RIT2: variants seen among roughly 807,000 people sequenced by gnomAD.
RIT2 encodes Ras like without CAAX 2.
Under a neutral mutation model 23.7 loss-of-function variants are expected in RIT2, and 24 were observed. The ratio of observed to expected loss-of-function variants is 1.01; its 90% CI spans 0.73 to 1.43. RIT2 has a LOEUF of 1.43. Ranked by LOEUF, RIT2 falls within the 40% of genes most tolerant of loss-of-function variation. RIT2 has a pLI of 0.00. For synonymous variants in RIT2, 107 were observed against 91.1 expected, an observed-to-expected ratio of 1.17 and a Z score of -0.99; for missense variants, 236 against 266.9, an observed-to-expected ratio of 0.88 and a Z score of 0.81.
At chr18:42,888,564 TACCCAA>T (rs1908089590) in intron 4 of RIT2, among the ~76,000 whole-genome samples, 1 of 151,794 alleles carries the variant, frequency 6.6e-6, no homozygotes. Flanking sequence ...CCTGGGTATA[TACCCAA>T]AAGAAAATAA....
At chr18:43,087,840 C>T (rs1913322054) in intron 1 of RIT2, among the ~76,000 whole-genome samples, 1 of 152,142 alleles carries the variant, frequency 6.6e-6, no homozygotes, top group Non-Finnish European at 1.5e-5. Context: ...CTCACCAGCA[C>T]AAACAGCACT....
chr18:42,759,532 G>A (rs1913246903), intron 4 of RIT2, among the ~76,000 whole-genome samples: 1 of 152,016 alleles, frequency 6.6e-6, no homozygotes, highest in African/African-American at 2.4e-5. Flanking sequence ...CAAGACAAGA[G>A]CATTTTAATA....
chr18:42,849,097 C>T (rs1000515105), intron 4 of RIT2, among the ~76,000 whole-genome samples: 5 of 152,096 alleles, frequency 3.3e-5, no homozygotes, highest in Non-Finnish European at 5.9e-5. Context: ...TGAAGTAAGC[C>T]GACCTGTCTA....
At chr18:43,052,713 C>G (rs1272843394) in intron 1 of RIT2, among the ~76,000 whole-genome samples, 1 of 152,040 alleles carries the variant, frequency 6.6e-6, no homozygotes, top group African/African-American at 2.4e-5. Context: ...CTCAGTTTCC[C>G]TTTCCTAAGA....
intron 4 of RIT2, among the ~76,000 whole-genome samples, chr18:42,808,766 G>A (rs1354074589): frequency 6.6e-6 from 1 of 152,062 alleles, no homozygotes; most frequent in Non-Finnish European, 1.5e-5. Flanking sequence ...CATCAACTGT[G>A]TGGAAAAATT....
intron 4 of RIT2, among the ~76,000 whole-genome samples, chr18:42,875,319 T>TC (rs1907717202): frequency 1.3e-4 from 20 of 151,662 alleles, no homozygotes; most frequent in African/African-American, 4.6e-4. Context: ...AGTTGCCTTC[T>TC]TTCTCTCTCT....
At chr18:42,745,894 C>A (rs1346338355) in intron 4 of RIT2, among the ~76,000 whole-genome samples, 1 of 151,986 alleles carries the variant, frequency 6.6e-6, no homozygotes, top group African/African-American at 2.4e-5. Context: ...GAACTATTTT[C>A]TATATTTATT....
intron 3 of RIT2, among the ~76,000 whole-genome samples, chr18:42,947,072 T>C (rs1909745932): frequency 6.6e-6 from 1 of 152,122 alleles, no homozygotes; most frequent in Non-Finnish European, 1.5e-5. Flanking sequence ...GGATACACTA[T>C]AGAATTTCCA....
chr18:42,928,633 A>C, intron 3 of RIT2, among the ~76,000 whole-genome samples: 1 of 152,012 alleles, frequency 6.6e-6, no homozygotes, highest in East Asian at 1.9e-4. Flanking sequence ...TAAAGGATTA[A>C]AGTCTAGGTA....
At chr18:42,965,740 T>TTTTTTTTTA (rs1910206570) in intron 3 of RIT2, among the ~76,000 whole-genome samples, 1 of 128,242 alleles carries the variant, frequency 7.8e-6, no homozygotes. Flanking sequence ...TTTTTTTTTT[T>TTTTTTTTTA]TTTTTCAGAA....
chr18:42,988,699 T>C (rs1910771112), intron 2 of RIT2, among the ~76,000 whole-genome samples: 1 of 152,178 alleles, frequency 6.6e-6, no homozygotes, highest in African/African-American at 2.4e-5. Context: ...CTGAAATTAC[T>C]TTTGCACAAA....
intron 2 of RIT2, among the ~76,000 whole-genome samples, chr18:43,030,688 A>T (rs935519195): frequency 6.6e-6 from 1 of 152,006 alleles, no homozygotes; most frequent in African/African-American, 2.4e-5. Flanking sequence ...AGAGTTGGGG[A>T]CAGTTTTAAA....
Position 42,805,802 on chromosome 18 carries a change from C to T in RIT2, c.427-62082G>A, listed in dbSNP as rs1598661387. Among the ~76,000 whole-genome samples, 4 of 152,226 alleles carry T rather than the reference C, an allele frequency of 2.6e-5. No homozygotes were observed. In the South Asian group the frequency reaches 8.3e-4, roughly 32 times the overall value. On this transcript the variant is annotated intron_variant, in intron 4 of 4. Transcript: ENST00000326695. ...TCAAAATTTCTAACTGTCCCTTACT[C>T]AAACTTTATTGCTGACTACAAATAC...
intron 4 of RIT2, among the ~76,000 whole-genome samples, chr18:42,746,964 T>C (rs1488484564): frequency 6.6e-6 from 1 of 151,956 alleles, no homozygotes. Flanking sequence ...TGGGGAAAAG[T>C]TGAAAGCATT....
At chr18:43,027,129 C>CCA (rs35138372) in intron 2 of RIT2, among the ~76,000 whole-genome samples, 42,297 of 151,748 alleles carry the variant, frequency 0.28, 6,625 homozygotes, top group African/African-American at 0.42. Flanking sequence ...CTTGGACTAG[C>CCA]CTAAAGAGTC....
chr18:43,061,811 C>A (rs927946125), intron 1 of RIT2, among the ~76,000 whole-genome samples: 8 of 152,132 alleles, frequency 5.3e-5, no homozygotes, highest in Non-Finnish European at 1.0e-4. Flanking sequence ...TCTACTCTGC[C>A]TTACTCACTC....
intron 3 of RIT2, among the ~76,000 whole-genome samples, chr18:42,960,769 A>G (rs1157438531): frequency 6.6e-6 from 1 of 152,186 alleles, no homozygotes; most frequent in Non-Finnish European, 1.5e-5. Context: ...CAGCAAGATT[A>G]TATACAGTTT....
chr18:43,094,128 T>G (rs11082308), intron 1 of RIT2, among the ~76,000 whole-genome samples: 5 of 130,302 alleles, frequency 3.8e-5, no homozygotes, highest in African/African-American at 1.4e-4. Flanking sequence ...TTTTTGTTTT[T>G]TTTTTTTTTT....
At chr18:43,041,731 T>A (rs1912133583) in intron 1 of RIT2, among the ~76,000 whole-genome samples, 1 of 152,148 alleles carries the variant, frequency 6.6e-6, no homozygotes, top group South Asian at 2.1e-4. Flanking sequence ...CATAATTTAC[T>A]ATTTCATTTT....
Sources: gnomAD v4.1 joint callset for allele counts (sites outside exome capture counted in the v4.1 genomes callset) on GRCh38, gnomAD v4.1.1 for gene constraint, MANE v1.5 for transcripts, NCBI Gene and HGNC (gene_info 2026-07-23, HGNC 2026-07-21) for gene names.